SH3PXD2A: variants seen among roughly 807,000 people sequenced by gnomAD.
SH3PXD2A encodes the protein SH3 and PX domain-containing protein 2A.
Under a neutral mutation model 115.2 loss-of-function variants are expected in SH3PXD2A, and 32 were observed. The ratio of observed to expected loss-of-function variants is 0.28; its 90% CI spans 0.21 to 0.37. SH3PXD2A has a LOEUF of 0.37. Among genes scored for constraint, SH3PXD2A ranks in the 10% least tolerant of loss-of-function variants. The probability of loss-of-function intolerance (pLI) is 1.00; values close to 1 mark genes in which losing one functional copy is unlikely to be tolerated. For missense variants in SH3PXD2A, 1,328 were observed against 1,498.7 expected (o/e 0.89, Z 1.88); for synonymous variants, 610 against 629.1 (o/e 0.97, Z 0.45).
intron 5 of SH3PXD2A, among the ~76,000 whole-genome samples, chr10:103,718,668 T>C (rs2038137731): frequency 6.6e-6 from 1 of 152,010 alleles, no homozygotes; most frequent in Admixed American, 6.6e-5. Flanking sequence ...AATATTTAAA[T>C]AAGCATGATG....
rs141690011 is a variant in SH3PXD2A, at chr10:103,722,203, C to G, written c.398+2067G>C. 4.0e-5 allele frequency among the ~76,000 whole-genome samples: 6 copies of G among 150,812 alleles called. No homozygotes were observed. The East Asian group carries it at 1.2e-3, about 30-fold the overall frequency. On this transcript the variant is annotated intron_variant, in intron 5 of 14. Coordinates refer to ENST00000369774, the MANE Select transcript of SH3PXD2A (RefSeq NM_001394015.1). The stretch of plus-strand genomic sequence containing the variant: ...CCTGTAATCCCAGCTACCAGGGAGG[C>G]TGAGGTAAGGGAATTGCTTGAACCT...
intron 8 of SH3PXD2A, among the ~76,000 whole-genome samples, chr10:103,631,719 C>T (rs947434631): frequency 5.3e-5 from 8 of 152,176 alleles, no homozygotes; most frequent in Admixed American, 5.2e-4. Context: ...GGATGTAACC[C>T]CCAAGAATCC....
At chr10:103,824,717 G>A (rs1156834830) in intron 1 of SH3PXD2A, among the ~76,000 whole-genome samples, 1 of 152,090 alleles carries the variant, frequency 6.6e-6, no homozygotes, top group African/African-American at 2.4e-5. Context: ...CTCATAAAAT[G>A]TACACCAGGA....
At chr10:103,617,695 T>C (rs2036540482) in intron 10 of SH3PXD2A, among the ~76,000 whole-genome samples, 1 of 152,110 alleles carries the variant, frequency 6.6e-6, no homozygotes, top group South Asian at 2.1e-4. Context: ...CCTCATGAGG[T>C]GTCCTTGCAT....
chr10:103,757,155 A>G (rs2038651743), intron 3 of SH3PXD2A, among the ~76,000 whole-genome samples: 1 of 152,212 alleles, frequency 6.6e-6, no homozygotes, highest in Admixed American at 6.5e-5. Context: ...TCAGGTAAGG[A>G]AAGGATGTAT....
At chr10:103,688,841 C>G (rs1315324503) in intron 6 of SH3PXD2A, among the ~76,000 whole-genome samples, 1 of 151,902 alleles carries the variant, frequency 6.6e-6, no homozygotes, top group African/African-American at 2.4e-5. Context: ...TTCTTTCTTT[C>G]CCTTCTTCCC....
intron 1 of SH3PXD2A, among the ~76,000 whole-genome samples, chr10:103,819,738 G>C (rs971704325): frequency 2.6e-5 from 4 of 152,110 alleles, no homozygotes; most frequent in Admixed American, 2.0e-4. Context: ...AGCCCAGAAG[G>C]AGCAAAGGGC....
chr10:103,617,785 C>A (rs1202091229), intron 10 of SH3PXD2A, among the ~76,000 whole-genome samples: 1 of 152,196 alleles, frequency 6.6e-6, no homozygotes, highest in African/African-American at 2.4e-5. Context: ...CTCTCCTATC[C>A]CTGCCCCCAG....
intron 6 of SH3PXD2A, among the ~76,000 whole-genome samples, chr10:103,672,699 C>G (rs960643955): frequency 2.0e-5 from 3 of 152,250 alleles, no homozygotes; most frequent in African/African-American, 7.2e-5. Context: ...CCTGCCCTGC[C>G]TTCTTTGCAG....
At chr10:103,742,836 G>A (rs1205652215) in intron 3 of SH3PXD2A, among the ~76,000 whole-genome samples, 1 of 152,172 alleles carries the variant, frequency 6.6e-6, no homozygotes, top group Admixed American at 6.5e-5. Context: ...TGGGGGGGCG[G>A]GTCCTTCTCT....
rs967887988 is a variant in SH3PXD2A, at chr10:103,736,217, G to A, written c.230-409C>T. ...ATCCCTCCTTGAGAAATCGGCATTC[G>A]TTCCTGCCAGCTGGGCAGGAATTCC... On this transcript the variant is annotated intron_variant, in intron 3 of 14. Coordinates refer to ENST00000369774, the MANE Select transcript of SH3PXD2A (RefSeq NM_001394015.1). 9.2e-5 allele frequency among the ~76,000 whole-genome samples: 14 copies of A among 152,344 alleles called. No homozygotes were observed. In the Middle Eastern group the frequency reaches 0.014, roughly 149 times the overall value.
At chr10:103,725,426 A>G (rs2134173426) in intron 4 of SH3PXD2A, among the ~76,000 whole-genome samples, 2 of 152,214 alleles carry the variant, frequency 1.3e-5, no homozygotes, top group Middle Eastern at 3.4e-3. Context: ...AGGAGTGGGC[A>G]TTCTATGGGA....
Position 103,747,298 on chromosome 10 carries a change from C to T in SH3PXD2A, c.230-11490G>A, listed in dbSNP as rs74157326. Among the ~76,000 whole-genome samples, 1,159 of 152,278 alleles carry T rather than the reference C, an allele frequency of 7.6e-3. 7 individuals are homozygous for T. The highest frequency in any genetic ancestry group is 0.012 in the African/African-American group (516 of 41,552). ...GCCAGAGTGTGGTTAGCTCAGAGGCCGGCATCAGGGCCAAGCTGTACCCCC... is the reference window on the plus strand; with the variant it reads ...GCCAGAGTGTGGTTAGCTCAGAGGCTGGCATCAGGGCCAAGCTGTACCCCC... On this transcript the variant is annotated intron_variant, in intron 3 of 14. Transcript: ENST00000369774.
intron 3 of SH3PXD2A, among the ~76,000 whole-genome samples, chr10:103,758,842 G>C (rs1176320306): frequency 6.6e-6 from 1 of 152,212 alleles, no homozygotes; most frequent in African/African-American, 2.4e-5. Context: ...ATTACCAACA[G>C]ACCCTATTTT....
chr10:103,604,534 A>G (rs1330451046), intron 14 of SH3PXD2A, among the ~76,000 whole-genome samples: 1 of 152,168 alleles, frequency 6.6e-6, no homozygotes, highest in African/African-American at 2.4e-5. Flanking sequence ...TGGACTGGGG[A>G]ACATAAAGGG....
rs1029048975 is a variant in SH3PXD2A at position 103,784,322 on chromosome 10, G to A, written c.153+16960C>T. Among the ~76,000 whole-genome samples the A allele has an allele frequency of 6.6e-6, 1 of 152,166 alleles. No homozygotes were observed. The highest frequency in any genetic ancestry group is 1.5e-5 in the Non-Finnish European group (1 of 68,028). ...CGGTCCTGTCCCACACCTTGCCCAC[G>A]TGGATGCCCGTGCCTGGAGCGCCTT... is the stretch of plus-strand genomic sequence containing the variant. On this transcript the variant is annotated intron_variant, in intron 2 of 14. Coordinates refer to ENST00000369774, the MANE Select transcript of SH3PXD2A (RefSeq NM_001394015.1). The surrounding 1 kb of genome is among the most constrained non-coding windows in gnomAD (Gnocchi z 4.4).
At chr10:103,683,639 G>A (rs2037639380) in intron 6 of SH3PXD2A, among the ~76,000 whole-genome samples, 1 of 152,140 alleles carries the variant, frequency 6.6e-6, no homozygotes, top group South Asian at 2.1e-4. Flanking sequence ...TCCAGCCTGG[G>A]CCATTAAGTA....
At chr10:103,771,477 C>T (rs906941117) in intron 2 of SH3PXD2A, among the ~76,000 whole-genome samples, 4 of 152,200 alleles carry the variant, frequency 2.6e-5, no homozygotes, top group East Asian at 1.9e-4. Flanking sequence ...CATGGCCAGG[C>T]GCAGTAGCTC....
intron 2 of SH3PXD2A, among the ~76,000 whole-genome samples, chr10:103,781,900 G>A (rs558672415): frequency 6.6e-6 from 1 of 152,272 alleles, no homozygotes; most frequent in African/African-American, 2.4e-5. Flanking sequence ...ATTGCAGGGA[G>A]GAGCCTCCTC....
Sources: allele counts gnomAD v4.1 joint callset (sites outside exome capture counted in the v4.1 genomes callset), GRCh38; gene constraint gnomAD v4.1.1; non-coding constraint Gnocchi (gnomAD v3.1); transcripts MANE v1.5; gene names NCBI Gene and HGNC (gene_info 2026-07-23, HGNC 2026-07-21).